UBR2: variants seen among roughly 807,000 people sequenced by gnomAD.
UBR2 encodes E3 ubiquitin-protein ligase UBR2.
A neutral mutation model predicts 247.9 loss-of-function variants in UBR2; 92 were observed. The ratio of observed to expected loss-of-function variants is 0.37; its 90% confidence interval spans 0.31 to 0.44. UBR2 has a LOEUF of 0.44. Ranked by LOEUF, UBR2 falls within the 20% of genes least tolerant of loss-of-function variation. The pLI, the probability that UBR2 is intolerant of heterozygous loss-of-function variation, is 1.00. For missense variants in UBR2, 1,613 were observed against 2,112.6 expected, an observed-to-expected ratio of 0.76 and a Z score of 4.64; for synonymous variants, 672 against 693.5, an observed-to-expected ratio of 0.97 and a Z score of 0.49.
chr6:42,613,982 C>T (rs1794252806), intron 8 of UBR2, among the ~76,000 whole-genome samples: 1 of 151,014 alleles, frequency 6.6e-6, no homozygotes. Context: ...CAAGACCAGC[C>T]TGGCCAACAT....
chr6:42,572,705 A>G (rs1791239841), intron 1 of UBR2, among the ~76,000 whole-genome samples: 1 of 151,664 alleles, frequency 6.6e-6, no homozygotes, highest in Non-Finnish European at 1.5e-5. Context: ...GCATTCTAGC[A>G]GAAGTGAGTC....
chr6:42,663,283 G>A lies in UBR2; in HGVS notation c.3562G>A (p.Glu1188Lys). Reference protein sequence around the residue: ...QRYFDSVQAKEQRRQQRLRLH... With the variant: ...QRYFDSVQAKKQRRQQRLRLH... Reference sequence around the variant, plus strand: ...GTATTTTGATTCCGTTCAAGCTAAAGAACAGCGAAGGCAACAGAGATTACG... The same window carrying A: ...GTATTTTGATTCCGTTCAAGCTAAAAAACAGCGAAGGCAACAGAGATTACG... The change falls in exon 32 of 47, where the codon GAA (glutamate) becomes AAA (lysine). Residue 1188 changes from glutamate to lysine, a missense_variant. By Grantham distance (56) the Glu-to-Lys change is moderately conservative. This residue lies in a region of UBR2 where 1,524 missense variants were observed against 1,967.3 expected (regional missense o/e 0.77). Coordinates refer to ENST00000372901, the MANE Select transcript of UBR2 (RefSeq NM_001363705.2). The A allele has an allele frequency of 6.2e-7, 1 of 1,610,832 alleles. No individual in the cohort carries two copies.
chr6:42,627,411 T>G (rs1017835819), intron 11 of UBR2, among the ~76,000 whole-genome samples: 13 of 152,118 alleles, frequency 8.5e-5, no homozygotes, highest in African/African-American at 3.1e-4. Flanking sequence ...AGTGGCTAAT[T>G]TGTTGGTTTT....
intron 16 of UBR2, 120 bp downstream of exon 16, chr6:42,640,390 G>A (rs1489101229): frequency 4.4e-4 from 21 of 47,902 alleles, no homozygotes; most frequent in Non-Finnish European, 6.8e-4. Context: ...TAAGGTGTGT[G>A]TGTGTGTGTG....
chr6:42,570,405 G>A (rs1791039590), intron 1 of UBR2, among the ~76,000 whole-genome samples: 1 of 151,516 alleles, frequency 6.6e-6, no homozygotes, highest in Admixed American at 6.6e-5. Context: ...GCTAATTTTT[G>A]TATTTTTAGT....
At chr6:42,671,182 T>C (rs1798406053) in intron 36 of UBR2, among the ~76,000 whole-genome samples, 1 of 77,268 alleles carries the variant, frequency 1.3e-5, no homozygotes, top group African/African-American at 5.7e-5. Flanking sequence ...TGAAACTCCA[T>C]CTCAAAAAAA....
rs904480078 is a variant in UBR2 at position 42,635,648 on chromosome 6, A to C, written c.1674+102A>C. The C allele has an allele frequency of 2.2e-6, 3 of 1,378,258 alleles. No homozygotes were observed. In the African/African-American group the frequency reaches 4.3e-5, roughly 20 times the overall value. 85.4% of individuals were successfully genotyped at this position (1,378,258 alleles called of 1,614,324 possible). A position where few individuals can be genotyped will look rare whatever the true frequency, so the allele number is the denominator to read the frequency against. ...AGGAGATCTGGAGAAAATAGTGGTGATACTTAGTTCATTAAACAGCGTATT... is the reference window on the plus strand; with the variant it reads ...AGGAGATCTGGAGAAAATAGTGGTGCTACTTAGTTCATTAAACAGCGTATT... On this transcript the variant is annotated intron_variant, in intron 14 of 46. Coordinates refer to ENST00000372901, the MANE Select transcript of UBR2 (RefSeq NM_001363705.2).
At chr6:42,623,912 C>T (rs1191313510) in intron 11 of UBR2, among the ~76,000 whole-genome samples, 4 of 151,278 alleles carry the variant, frequency 2.6e-5, no homozygotes, top group East Asian at 4.0e-4. Flanking sequence ...AGGAAATAAA[C>T]CAAACTTGGT....
At chr6:42,635,006 C>T (rs1364697956) in intron 13 of UBR2, among the ~76,000 whole-genome samples, 1 of 152,126 alleles carries the variant, frequency 6.6e-6, no homozygotes, top group East Asian at 1.9e-4. Context: ...CTTCTAATTG[C>T]ATATTAGGAC....
In UBR2 at chr6:42,586,822, C is replaced by CTT. The variant is rs34530579; in HGVS notation, c.339-5313_339-5312dup. On this transcript the variant is annotated intron_variant, in intron 2 of 46. Transcript: ENST00000372901. ...TTGTCATATATATTGCACCTATAAA[C>CTT]TTTTTTTTTTTTTTTTTGAGACAGA... Among the ~76,000 whole-genome samples, 328 of 123,892 alleles carry CTT rather than the reference C, an allele frequency of 2.6e-3. 28 individuals carry two copies. The highest frequency in any genetic ancestry group is 0.015 in the East Asian group (64 of 4,406). The allele number at this position is 123,892 out of a possible 152,430, so 81.3% of individuals were successfully genotyped here. A position where few individuals can be genotyped will look rare whatever the true frequency, so the allele number is the denominator to read the frequency against.
rs746321296 is a variant in UBR2 at position 42,652,516 on chromosome 6, A to C, written c.2640A>C (p.Pro880=). 8 of 1,611,348 alleles carry C rather than the reference A, an allele frequency of 5.0e-6. No individual in the cohort carries two copies. Among genetic ancestry groups the C allele is most frequent in the Admixed American group, 3.4e-5 (2 of 59,154 alleles). Residue 880 remains proline (P), a synonymous_variant, in exon 25 of 47, where the codon CCA becomes CCC. Transcript: ENST00000372901. ...DTALPPPVLP[P]FCPLFASLVN... ...CACTCCCACCTCCGGTGTTGCCTCC[A>C]TTCTGCCCTCTGTTTGCAAGCCTGG...
At chr6:42,583,390 G>C (rs779165160) in intron 2 of UBR2, among the ~76,000 whole-genome samples, 1 of 152,134 alleles carries the variant, frequency 6.6e-6, no homozygotes. Flanking sequence ...TGGGATTCCA[G>C]GCATGCACCA....
intron 43 of UBR2, 106 bp from the exon 44 acceptor site, chr6:42,684,688 C>A: frequency 3.1e-6 from 2 of 652,736 alleles, no homozygotes; most frequent in Non-Finnish European, 2.5e-6. Flanking sequence ...AGTGAAAGGC[C>A]ATACCATGTT....
At chr6:42,681,040 G>A (rs1434865103) in intron 42 of UBR2, among the ~76,000 whole-genome samples, 2 of 151,972 alleles carry the variant, frequency 1.3e-5, no homozygotes, top group Admixed American at 6.6e-5. Context: ...GTAGGTGCCT[G>A]TAATCCCAGC....
intron 15 of UBR2, among the ~76,000 whole-genome samples, chr6:42,639,319 G>A (rs1272489209): frequency 6.6e-6 from 1 of 152,202 alleles, no homozygotes; most frequent in South Asian, 2.1e-4. Flanking sequence ...AAGGCTGGGC[G>A]TGGTGGCTCA....
intron 11 of UBR2, among the ~76,000 whole-genome samples, chr6:42,629,674 T>A (rs1433636013): frequency 6.6e-6 from 1 of 151,880 alleles, no homozygotes; most frequent in African/African-American, 2.4e-5. Context: ...TATATATAAT[T>A]TTTTAGGGTA....
At chr6:42,638,515 A>G (rs753012318) in intron 15 of UBR2, among the ~76,000 whole-genome samples, 7 of 152,218 alleles carry the variant, frequency 4.6e-5, no homozygotes, top group Non-Finnish European at 8.8e-5. Flanking sequence ...AAATGGTACA[A>G]TAGACCATTA....
intron 36 of UBR2, 84 bp downstream of exon 36, chr6:42,670,799 T>C: frequency 1.0e-6 from 1 of 995,158 alleles, no homozygotes; most frequent in Non-Finnish European, 1.5e-6. Context: ...GGACCTGCAG[T>C]AGTTACTTAC....
chr6:42,668,926 T>C (rs1798273012), intron 34 of UBR2, among the ~76,000 whole-genome samples: 1 of 151,874 alleles, frequency 6.6e-6, no homozygotes, highest in Non-Finnish European at 1.5e-5. Context: ...TTACTACTTT[T>C]TTTTTTTCTT....
Sources: allele counts gnomAD v4.1 joint callset (sites outside exome capture counted in the v4.1 genomes callset), GRCh38; gene constraint gnomAD v4.1.1; regional missense constraint gnomAD v4.1.1; transcripts MANE v1.5; gene names NCBI Gene and HGNC (gene_info 2026-07-23, HGNC 2026-07-21).